Variants in MAPK10 observed in about 807,000 individuals in gnomAD.
MAPK10 encodes the protein mitogen-activated protein kinase 10.
A neutral mutation model predicts 59.3 loss-of-function variants in MAPK10; 25 were observed. That is an observed-to-expected ratio of 0.42 (90% CI 0.31 to 0.59). The LOEUF (loss-of-function observed/expected upper bound fraction) is 0.59. Among genes scored for constraint, MAPK10 ranks in the 20% least tolerant of loss-of-function variants. The pLI is 0.15. For synonymous variants in MAPK10, 190 were observed against 200.5 expected, an observed-to-expected ratio of 0.95 and a Z score of 0.44; for missense variants, 351 against 568.9, an observed-to-expected ratio of 0.62 and a Z score of 3.90.
At chr4:86,439,203 C>A (rs1359249048) in intron 1 of MAPK10, among the ~76,000 whole-genome samples, 1 of 151,984 alleles carries the variant, frequency 6.6e-6, no homozygotes, top group Admixed American at 6.6e-5. Flanking sequence ...ATAGCTGCAA[C>A]CACAATTAAG....
intron 1 of MAPK10, among the ~76,000 whole-genome samples, chr4:86,493,677 T>C (rs1287378005): frequency 6.6e-6 from 1 of 152,188 alleles, no homozygotes; most frequent in African/African-American, 2.4e-5. Context: ...AAACCCCACT[T>C]CCTCATGCTT....
chr4:86,095,125 G>A (rs1159676264), intron 9 of MAPK10: 1 of 151,628 alleles, frequency 6.6e-6, no homozygotes, highest in East Asian at 1.9e-4. Flanking sequence ...AAGTGGAAAA[G>A]CAAATATGTA....
chr4:86,251,057 C>A (rs1041448670), intron 2 of MAPK10, among the ~76,000 whole-genome samples: 1 of 152,064 alleles, frequency 6.6e-6, no homozygotes, highest in Non-Finnish European at 1.5e-5. Context: ...ATATTTGTTC[C>A]CACATTAGAA....
intron 3 of MAPK10, among the ~76,000 whole-genome samples, chr4:86,173,366 G>A (rs2074857971): frequency 6.6e-6 from 1 of 152,082 alleles, no homozygotes; most frequent in African/African-American, 2.4e-5. Flanking sequence ...AATAAGCAAT[G>A]GGAAAAGGAT....
chr4:86,454,454 T>C (rs1036449088), upstream of MAPK10, among the ~76,000 whole-genome samples: 5 of 151,960 alleles, frequency 3.3e-5, no homozygotes, highest in Admixed American at 2.6e-4. Flanking sequence ...TGGACACACT[T>C]ATAGAAATGC....
At chr4:86,159,600 G>GA (rs370968823) in intron 3 of MAPK10, 133 bp from the exon 4 acceptor site, 32 of 656,850 alleles carry the variant, frequency 4.9e-5, no homozygotes, top group South Asian at 7.5e-5. Flanking sequence ...AGTTCACATA[G>GA]AAAAAAAATA....
intron 1 of MAPK10, among the ~76,000 whole-genome samples, chr4:86,520,016 T>C (rs1191406709): frequency 1.3e-5 from 2 of 152,242 alleles, no homozygotes; most frequent in Non-Finnish European, 2.9e-5. Context: ...CTTTATAAGT[T>C]ACCTGATGCT....
intron 4 of MAPK10, among the ~76,000 whole-genome samples, chr4:86,143,858 C>G (rs2064201142): frequency 6.6e-6 from 1 of 152,062 alleles, no homozygotes; most frequent in Non-Finnish European, 1.5e-5. Flanking sequence ...ATTCTCCAGA[C>G]ATATATTTTA....
intron 1 of MAPK10, among the ~76,000 whole-genome samples, chr4:86,535,497 T>C (rs1355020054): frequency 1.3e-5 from 2 of 152,206 alleles, no homozygotes; most frequent in African/African-American, 2.4e-5. Flanking sequence ...CCCTAAACTC[T>C]TGGGCTCAAG....
intron 1 of MAPK10, among the ~76,000 whole-genome samples, chr4:86,465,380 T>C (rs1322036871): frequency 6.6e-6 from 1 of 152,204 alleles, no homozygotes; most frequent in Non-Finnish European, 1.5e-5. Flanking sequence ...GTATCACATA[T>C]AATTCTCAAG....
intron 2 of MAPK10, among the ~76,000 whole-genome samples, chr4:86,281,518 A>C (rs1322005251): frequency 6.7e-6 from 1 of 149,424 alleles, no homozygotes; most frequent in Admixed American, 6.6e-5. Flanking sequence ...AAATAAAATA[A>C]AATAAAATAA....
At chr4:86,404,284 A>AC (rs1744088483) in intron 1 of MAPK10, among the ~76,000 whole-genome samples, 1 of 152,160 alleles carries the variant, frequency 6.6e-6, no homozygotes, top group Non-Finnish European at 1.5e-5. Context: ...ATGGTACAAC[A>AC]CTTAAGAGAG....
chr4:86,173,143 A>AAAAGAACCCGT (rs2074780752), intron 3 of MAPK10, among the ~76,000 whole-genome samples: 2 of 152,224 alleles, frequency 1.3e-5, no homozygotes. Context: ...ATGAAACCAA[A>AAAAGAACCCGT]AAAGAACCCG....
chr4:86,163,980 C>T (rs976896190), intron 3 of MAPK10, among the ~76,000 whole-genome samples: 1 of 152,110 alleles, frequency 6.6e-6, no homozygotes, highest in African/African-American at 2.4e-5. Context: ...TTTGATTGCA[C>T]TTTAATAGCC....
chr4:86,479,165 T>C (rs1388090879), intron 1 of MAPK10, among the ~76,000 whole-genome samples: 1 of 152,112 alleles, frequency 6.6e-6, no homozygotes, highest in African/African-American at 2.4e-5. Flanking sequence ...ACAGAATTCC[T>C]CGGTTTGGCC....
chr4:86,454,538 G>C (rs537899941), upstream of MAPK10, among the ~76,000 whole-genome samples: 27 of 152,160 alleles, frequency 1.8e-4, no homozygotes, highest in Non-Finnish European at 3.1e-4. Context: ...AAGCAGAAAA[G>C]CTTCAGAAGA....
intron 1 of MAPK10, among the ~76,000 whole-genome samples, chr4:86,589,816 C>T (rs1302695971): frequency 6.6e-6 from 1 of 151,276 alleles, no homozygotes; most frequent in African/African-American, 2.4e-5. Context: ...AACCCCGTCT[C>T]TACTAAAAAT....
intron 1 of MAPK10, among the ~76,000 whole-genome samples, chr4:86,588,699 A>G (rs182598166): frequency 1.3e-5 from 2 of 152,374 alleles, no homozygotes. Context: ...AAATTGTGAA[A>G]GACATTGAAA....
chr4:86,238,031 A>C (rs970396897), intron 2 of MAPK10, among the ~76,000 whole-genome samples: 1 of 152,186 alleles, frequency 6.6e-6, no homozygotes, highest in African/African-American at 2.4e-5. Context: ...ATAAAGTGTA[A>C]GGAAGAGGTC....
Sources: gnomAD v4.1 joint callset for allele counts (sites outside exome capture counted in the v4.1 genomes callset) on GRCh38, gnomAD v4.1.1 for gene constraint, MANE v1.5 for transcripts, NCBI Gene and HGNC (gene_info 2026-07-23, HGNC 2026-07-21) for gene names.